The following LHPP variants were observed in gnomAD, a reference collection of about 807,000 sequenced individuals.
The protein encoded by LHPP is phospholysine phosphohistidine inorganic pyrophosphate phosphatase.
A neutral mutation model predicts 30.3 loss-of-function variants in LHPP; 24 were observed. The ratio of observed to expected loss-of-function variants is 0.79; its 90% CI spans 0.57 to 1.11. The LOEUF is 1.11. Among genes scored for constraint, LHPP ranks in the 50% most tolerant of loss-of-function variants. The pLI, the probability that LHPP is intolerant of heterozygous loss-of-function variation, is 0.00. For synonymous variants in LHPP, 150 were observed against 157.1 expected (o/e 0.95, Z 0.34); for missense variants, 356 against 367.2 (o/e 0.97, Z 0.25).
intron 1 of LHPP, among the ~76,000 whole-genome samples, chr10:124,472,417 T>A (rs1469670411): frequency 6.6e-6 from 1 of 152,128 alleles, no homozygotes; most frequent in Non-Finnish European, 1.5e-5. Flanking sequence ...GATGAGTGAA[T>A]GTTTTCTGGT....
intron 6 of LHPP, among the ~76,000 whole-genome samples, chr10:124,580,926 C>T (rs993483768): frequency 6.6e-6 from 1 of 152,146 alleles, no homozygotes; most frequent in African/African-American, 2.4e-5. Context: ...GCCATGTTGG[C>T]CAGGCTGGTT....
intron 6 of LHPP, among the ~76,000 whole-genome samples, chr10:124,530,088 G>T (rs1039187424): frequency 9.2e-5 from 14 of 152,110 alleles, no homozygotes; most frequent in Non-Finnish European, 1.9e-4. Context: ...ACCCCAATGC[G>T]GGGAGGGAGG....
chr10:124,479,797 C>G (rs1953070350), intron 1 of LHPP, among the ~76,000 whole-genome samples: 2 of 152,224 alleles, frequency 1.3e-5, no homozygotes, highest in South Asian at 4.1e-4. Context: ...TAGGACTCCC[C>G]ATCTGGGCTC....
chr10:124,562,503 T>G (rs900732494), intron 6 of LHPP, among the ~76,000 whole-genome samples: 9 of 151,466 alleles, frequency 5.9e-5, no homozygotes, highest in Non-Finnish European at 7.4e-5. Context: ...AGAGAAAAAA[T>G]AGACTGAAAA....
At chr10:124,514,880 C>T (rs7077695) in intron 5 of LHPP, among the ~76,000 whole-genome samples, 250 of 152,070 alleles carry the variant, frequency 1.6e-3, no homozygotes, top group African/African-American at 5.8e-3. Flanking sequence ...CAGCTCACTG[C>T]AGTCTCAAAC....
chr10:124,564,634 C>T (rs953187001), intron 6 of LHPP, among the ~76,000 whole-genome samples: 1 of 152,204 alleles, frequency 6.6e-6, no homozygotes, highest in African/African-American at 2.4e-5. Flanking sequence ...CCCTGCTAGG[C>T]ATGAGTATTC....
At chr10:124,563,478 T>C (rs1948436695) in intron 6 of LHPP, among the ~76,000 whole-genome samples, 1 of 152,082 alleles carries the variant, frequency 6.6e-6, no homozygotes, top group Non-Finnish European at 1.5e-5. Flanking sequence ...AATTCTATCA[T>C]GCAAAACAGA....
intron 1 of LHPP, among the ~76,000 whole-genome samples, chr10:124,467,597 A>G (rs560652214): frequency 1.7e-4 from 25 of 149,360 alleles, no homozygotes; most frequent in African/African-American, 5.2e-4. Context: ...GGCTCACTGC[A>G]GCCTTGACCT....
chr10:124,493,822 C>G (rs926654704), intron 3 of LHPP: 1 of 152,062 alleles, frequency 6.6e-6, no homozygotes, highest in Non-Finnish European at 1.5e-5. Context: ...TACGTCGCAT[C>G]TCTAGTGTGT....
intron 6 of LHPP, among the ~76,000 whole-genome samples, chr10:124,572,677 AGAAG>A (rs1205326081): frequency 1.4e-5 from 2 of 145,064 alleles, no homozygotes; most frequent in African/African-American, 2.5e-5. Context: ...AAGAAAAAAA[AGAAG>A]GAAGGGAGGG....
chr10:124,591,605 ATTCCTTCCTCTGC>A (rs1564844414), intron 6 of LHPP, among the ~76,000 whole-genome samples: 1 of 151,902 alleles, frequency 6.6e-6, no homozygotes, highest in African/African-American at 2.4e-5. Flanking sequence ...TGTCTCTGTT[ATTCCTTCCTCTGC>A]TTGCTTTGGG....
At chr10:124,486,442 G>T (rs2361624) in intron 2 of LHPP, among the ~76,000 whole-genome samples, 4 of 152,102 alleles carry the variant, frequency 2.6e-5, no homozygotes, top group Admixed American at 6.5e-5. Context: ...CTTAGAAAAG[G>T]TATTACACTC....
At chr10:124,607,528 C>T (rs186228204) in intron 6 of LHPP, among the ~76,000 whole-genome samples, 2 of 152,344 alleles carry the variant, frequency 1.3e-5, no homozygotes, top group Admixed American at 1.3e-4. Flanking sequence ...CGGCTAGGTA[C>T]ACGTGCGGAG....
intron 5 of LHPP, among the ~76,000 whole-genome samples, chr10:124,509,920 G>T (rs865929524): frequency 4.6e-5 from 7 of 152,100 alleles, no homozygotes; most frequent in Non-Finnish European, 7.3e-5. Flanking sequence ...AAGCATCGCC[G>T]CCTGTTAGAT....
intron 6 of LHPP, among the ~76,000 whole-genome samples, chr10:124,565,708 A>C (rs905328340): frequency 2.6e-5 from 4 of 152,232 alleles, no homozygotes; most frequent in African/African-American, 7.2e-5. Context: ...TTCTTGGCAC[A>C]GGCGGAAGAA....
chr10:124,574,751 T>C (rs1195208424), intron 6 of LHPP, among the ~76,000 whole-genome samples: 1 of 152,018 alleles, frequency 6.6e-6, no homozygotes, highest in Non-Finnish European at 1.5e-5. Flanking sequence ...GGGGAGGGCA[T>C]GGTCGGAGGT....
intron 6 of LHPP, among the ~76,000 whole-genome samples, chr10:124,571,736 C>T (rs1231472671): frequency 1.3e-5 from 2 of 152,060 alleles, no homozygotes; most frequent in Non-Finnish European, 2.9e-5. Context: ...GCTGGCCACC[C>T]TGCCAGCACC....
At chr10:124,603,437 G>C (rs1383600207) in intron 6 of LHPP, among the ~76,000 whole-genome samples, 2 of 152,188 alleles carry the variant, frequency 1.3e-5, no homozygotes, top group African/African-American at 4.8e-5. Flanking sequence ...AGGGAGCTTG[G>C]CACCTCCAAG....
At position 124,517,258 on chromosome 10, in the gene LHPP, A is replaced by G; in HGVS notation, c.703A>G (p.Thr235Ala). The G allele has an allele frequency of 6.3e-7, 1 of 1,598,372 alleles. No homozygotes were observed. The highest frequency in any genetic ancestry group is 1.1e-5 in the South Asian group (1 of 88,314). The part of the protein sequence containing the change: ...RCGMRALQVR[T>A]GKFRPSDEHH... ...TGGAATGAGAGCGCTGCAGGTGCGC[A>G]CCGGGAAGTTCAGGTCAGTGCCAGC... The change falls in exon 6 of 7, where the codon ACC (threonine) becomes GCC (alanine). Residue 235 changes from threonine (T) to alanine (A), a missense_variant. Transcript: ENST00000368842. This position sits in a 1 kb window ranked among gnomAD's most constrained non-coding sequence, Gnocchi z 4.1.
Sources: allele counts gnomAD v4.1 joint callset (sites outside exome capture counted in the v4.1 genomes callset), GRCh38; gene constraint gnomAD v4.1.1; non-coding constraint Gnocchi (gnomAD v3.1); transcripts MANE v1.5; gene names NCBI Gene and HGNC (gene_info 2026-07-23, HGNC 2026-07-21).